The following CPEB3 variants were observed in gnomAD, a reference collection of about 807,000 sequenced individuals.
The protein encoded by CPEB3 is cytoplasmic polyadenylation element-binding protein 3.
CPEB3 carries 20 observed loss-of-function variants against 67.2 expected under a neutral mutation model. That is an observed-to-expected ratio of 0.30 (90% CI 0.21 to 0.43). The LOEUF (loss-of-function observed/expected upper bound fraction) is 0.43. Among genes scored for constraint, CPEB3 ranks in the 20% least tolerant of loss-of-function variants. The pLI is 1.00. For missense variants in CPEB3, 746 were observed against 968.6 expected (o/e 0.77, Z 3.05); for synonymous variants, 376 against 393.1 (o/e 0.96, Z 0.51).
At chr10:92,071,883 A>T (rs1842767578) in intron 9 of CPEB3, among the ~76,000 whole-genome samples, 2 of 152,200 alleles carry the variant, frequency 1.3e-5, no homozygotes, top group Non-Finnish European at 2.9e-5. Context: ...CATTACATTT[A>T]AAAAACTGGA....
chr10:92,168,772 G>T (rs987103591), intron 4 of CPEB3, among the ~76,000 whole-genome samples: 1 of 145,634 alleles, frequency 6.9e-6, no homozygotes, highest in Non-Finnish European at 1.5e-5. Context: ...AGAGCTGTGA[G>T]TCAATTAAAC....
rs544821673 is a variant in CPEB3 at position 92,182,360 on chromosome 10, T to C, written c.1166-1341A>G. On this transcript the variant is annotated intron_variant, in intron 3 of 9. Transcript: ENST00000265997. ...ACTGGAGGCAAATAGCATTATTAAGTTCTTTTTGCCCAAAAGGAAAGCATC... is the reference window on the plus strand; with the variant it reads ...ACTGGAGGCAAATAGCATTATTAAGCTCTTTTTGCCCAAAAGGAAAGCATC... Among the ~76,000 whole-genome samples, 4 of 152,314 alleles carry C rather than the reference T, an allele frequency of 2.6e-5. No homozygotes were observed. In the East Asian group the frequency reaches 7.7e-4, roughly 29 times the overall value.
intron 6 of CPEB3, among the ~76,000 whole-genome samples, chr10:92,114,096 C>A (rs183096215): frequency 6.6e-6 from 1 of 152,120 alleles, no homozygotes; most frequent in Admixed American, 6.5e-5. Flanking sequence ...CATGGCTAAA[C>A]TCCCCCCAAC....
In CPEB3 at chr10:92,052,247, C is replaced by T. The variant is rs1274023400; in HGVS notation, c.2062G>A (p.Asp688Asn). 1.2e-6 allele frequency: 2 copies of T among 1,613,868 alleles called. No homozygotes were observed. Among genetic ancestry groups the T allele is most frequent in the South Asian group, 1.1e-5 (1 of 91,038 alleles). The stretch of plus-strand genomic sequence containing the variant: ...CGGAACGGGACGTGACGAGGGCGGT[C>T]GCCTCCCTCCTTCACCAGCGGTTTG... The part of the protein sequence containing the change: ...FHKPLVKEGG[D>N]RPRHVPFRWS Residue 688 changes from aspartate to asparagine, a missense_variant, in exon 10 of 10, where the codon GAC becomes AAC. Asp to Asn is a conservative substitution (Grantham distance 23). Around this residue, in one of 2 missense-constraint regions of CPEB3, gnomAD observed 103 missense variants for 251.1 expected, o/e 0.41. Coordinates refer to ENST00000265997, the MANE Select transcript of CPEB3 (RefSeq NM_014912.5).
intron 6 of CPEB3, among the ~76,000 whole-genome samples, chr10:92,117,307 C>T (rs756987239): frequency 1.4e-5 from 2 of 141,822 alleles, no homozygotes; most frequent in Non-Finnish European, 3.0e-5. Flanking sequence ...CAGGCATGAG[C>T]CACCATGCCT....
chr10:92,135,585 T>G (rs950251704), intron 6 of CPEB3, among the ~76,000 whole-genome samples: 1 of 152,140 alleles, frequency 6.6e-6, no homozygotes, highest in South Asian at 2.1e-4. Flanking sequence ...AGTTCAACCA[T>G]TGTGGAAGAC....
rs1168146932 is a variant in CPEB3 at position 92,250,861 on chromosome 10, T to G, written c.-11-10500A>C. 1.5e-3 allele frequency among the ~76,000 whole-genome samples: 213 copies of G among 139,630 alleles called. 1 individual carries two copies. The highest frequency in any genetic ancestry group is 2.2e-3 in the Non-Finnish European group (143 of 64,270). The allele number at this position is 139,630 out of a possible 152,430, so 91.6% of individuals were successfully genotyped here. On this transcript the variant is annotated intron_variant, in intron 1 of 9. Transcript: ENST00000265997. ...CCTGCCACCACACACACAGTTAATTTTTTTTTTTTTTTTTTTTTTTTTGTA... is the reference window on the plus strand; with the variant it reads ...CCTGCCACCACACACACAGTTAATTGTTTTTTTTTTTTTTTTTTTTTTGTA...
chr10:92,093,941 G>A (rs1261127471), intron 7 of CPEB3, among the ~76,000 whole-genome samples: 3 of 151,994 alleles, frequency 2.0e-5, no homozygotes, highest in African/African-American at 4.8e-5. Context: ...TGCAACCTCC[G>A]TCTCCTGGGT....
At chr10:92,167,717 G>T (rs1319162692) in intron 4 of CPEB3, among the ~76,000 whole-genome samples, 1 of 152,092 alleles carries the variant, frequency 6.6e-6, no homozygotes. Context: ...GACCAGCCTG[G>T]CCAACATAGT....
chr10:92,154,187 A>G (rs1590253663), intron 4 of CPEB3, among the ~76,000 whole-genome samples: 1 of 152,362 alleles, frequency 6.6e-6, no homozygotes, highest in South Asian at 2.1e-4. Flanking sequence ...CAGGGGTTGC[A>G]GTTGTATAGG....
At chr10:92,162,859 T>C (rs930709335) in intron 4 of CPEB3, among the ~76,000 whole-genome samples, 2 of 152,208 alleles carry the variant, frequency 1.3e-5, no homozygotes, top group Non-Finnish European at 2.9e-5. Context: ...TTAGAGACTT[T>C]ATATTTTTAG....
At chr10:92,260,762 C>A (rs886344333) in intron 1 of CPEB3, among the ~76,000 whole-genome samples, 2 of 151,950 alleles carry the variant, frequency 1.3e-5, no homozygotes, top group South Asian at 2.1e-4. Context: ...GCGCACACCA[C>A]CATACCCAGC....
chr10:92,114,331 A>AT (rs1371142925), intron 6 of CPEB3, among the ~76,000 whole-genome samples: 6 of 152,208 alleles, frequency 3.9e-5, no homozygotes, highest in African/African-American at 1.2e-4. Flanking sequence ...TCTTTCGAAC[A>AT]TATTTCCCTT....
chr10:92,232,822 G>GTTC (rs1456028239), intron 2 of CPEB3, among the ~76,000 whole-genome samples: 1 of 151,112 alleles, frequency 6.6e-6, no homozygotes, highest in Non-Finnish European at 1.5e-5. Flanking sequence ...GTAGAAATTT[G>GTTC]TTTCTTTGTC....
intron 4 of CPEB3, among the ~76,000 whole-genome samples, chr10:92,162,393 CAT>C (rs1446996763): frequency 1.3e-5 from 2 of 151,928 alleles, no homozygotes; most frequent in African/African-American, 4.8e-5. Flanking sequence ...ATCATAGATA[CAT>C]ATATTATGTA....
chr10:92,098,082 A>C (rs896972265), intron 7 of CPEB3, among the ~76,000 whole-genome samples: 4 of 137,248 alleles, frequency 2.9e-5, no homozygotes, highest in African/African-American at 8.0e-5. Flanking sequence ...AATCGCTTGA[A>C]CCCAGGAAGT....
At chr10:92,139,288 A>AT (rs1554895868) in intron 6 of CPEB3, among the ~76,000 whole-genome samples, 231 of 135,954 alleles carry the variant, frequency 1.7e-3, no homozygotes, top group African/African-American at 7.6e-3. Flanking sequence ...ACACACACAC[A>AT]TAAAAAAAAA....
At chr10:92,105,756 G>T (rs2133430314) in intron 7 of CPEB3, among the ~76,000 whole-genome samples, 1 of 121,074 alleles carries the variant, frequency 8.3e-6, no homozygotes, top group Admixed American at 1.1e-4. Flanking sequence ...GTCCTGCTCT[G>T]TCTCCCAGGC....
intron 2 of CPEB3, among the ~76,000 whole-genome samples, chr10:92,203,617 C>A (rs1436718028): frequency 6.6e-6 from 1 of 151,250 alleles, no homozygotes; most frequent in Non-Finnish European, 1.5e-5. Flanking sequence ...GAGGTTTCAC[C>A]ATGTTGGCCA....
Sources: allele counts gnomAD v4.1 joint callset (sites outside exome capture counted in the v4.1 genomes callset), GRCh38; gene constraint gnomAD v4.1.1; regional missense constraint gnomAD v4.1.1; transcripts MANE v1.5; gene names NCBI Gene and HGNC (gene_info 2026-07-23, HGNC 2026-07-21).